Variants in ARHGEF26 observed in about 807,000 individuals in gnomAD.
ARHGEF26 encodes Rho guanine nucleotide exchange factor 26.
ARHGEF26 carries 59 observed loss-of-function variants against 89.4 expected under a neutral mutation model. The ratio of observed to expected loss-of-function variants is 0.66; its 90% CI spans 0.54 to 0.82. The LOEUF is 0.82. Among genes scored for constraint, ARHGEF26 ranks in the 40% least tolerant of loss-of-function variants. ARHGEF26 has a pLI of 0.00. For missense variants in ARHGEF26, 1,234 were observed against 1,085.6 expected, an observed-to-expected ratio of 1.14 and a Z score of -1.92; for synonymous variants, 500 against 428.4, an observed-to-expected ratio of 1.17 and a Z score of -2.06.
chr3:154,190,750 AAG>A (rs1255118759), intron 7 of ARHGEF26, among the ~76,000 whole-genome samples: 2 of 152,194 alleles, frequency 1.3e-5, no homozygotes, highest in Non-Finnish European at 1.5e-5. Flanking sequence ...ACAGGAGAAA[AAG>A]AGGAATATTT....
intron 10 of ARHGEF26, among the ~76,000 whole-genome samples, chr3:154,222,926 G>C (rs1716227846): frequency 6.6e-6 from 1 of 152,166 alleles, no homozygotes; most frequent in South Asian, 2.1e-4. Flanking sequence ...TCTGAGATGG[G>C]AGGAAAGAAA....
At chr3:154,157,479 G>T (rs575772147) in intron 6 of ARHGEF26, among the ~76,000 whole-genome samples, 2 of 152,260 alleles carry the variant, frequency 1.3e-5, no homozygotes, top group African/African-American at 4.8e-5. Flanking sequence ...TAAAGCCTAT[G>T]TGGAAACATT....
chr3:154,146,315 A>G (rs1559860347), intron 4 of ARHGEF26, among the ~76,000 whole-genome samples: 1 of 152,210 alleles, frequency 6.6e-6, no homozygotes, highest in Non-Finnish European at 1.5e-5. Flanking sequence ...ACCTCCTAAT[A>G]CCATCACCTT....
intron 4 of ARHGEF26, among the ~76,000 whole-genome samples, chr3:154,136,705 T>C (rs1444084843): frequency 2.6e-5 from 4 of 152,246 alleles, no homozygotes; most frequent in African/African-American, 7.2e-5. Context: ...TTTAAACTTA[T>C]TCTTTTCCCT....
At chr3:154,149,160 G>C (rs1224836161) in intron 4 of ARHGEF26, among the ~76,000 whole-genome samples, 1 of 151,996 alleles carries the variant, frequency 6.6e-6, no homozygotes, top group Non-Finnish European at 1.5e-5. Flanking sequence ...GTTTGTATGA[G>C]GATTCAATGG....
intron 4 of ARHGEF26, among the ~76,000 whole-genome samples, chr3:154,137,460 AG>A (rs1245875737): frequency 2.0e-5 from 3 of 152,144 alleles, no homozygotes; most frequent in African/African-American, 7.2e-5. Flanking sequence ...ACCCAATTTC[AG>A]GTATTCTGTT....
At chr3:154,152,345 G>C (rs1239659700) in intron 5 of ARHGEF26, among the ~76,000 whole-genome samples, 1 of 152,160 alleles carries the variant, frequency 6.6e-6, no homozygotes, top group Admixed American at 6.6e-5. Context: ...AATTTTCTCT[G>C]AATCTCAAGA....
chr3:154,199,042 A>G (rs1394655894), intron 9 of ARHGEF26, among the ~76,000 whole-genome samples: 1 of 152,066 alleles, frequency 6.6e-6, no homozygotes, highest in Non-Finnish European at 1.5e-5. Flanking sequence ...CCCCTCAAGC[A>G]TTTATCCTTT....
At chr3:154,192,097 G>A (rs1713991011) in intron 8 of ARHGEF26, among the ~76,000 whole-genome samples, 1 of 152,198 alleles carries the variant, frequency 6.6e-6, no homozygotes, top group Non-Finnish European at 1.5e-5. Context: ...CACTGGAGCT[G>A]CTGGGGCAGC....
At chr3:154,121,866 G>C in intron 1 of ARHGEF26, 76 bp from the exon 2 acceptor site, 1 of 1,333,816 alleles carries the variant, frequency 7.5e-7, no homozygotes, top group Non-Finnish European at 1.0e-6. Context: ...GGGGACCGCC[G>C]GTCTGGGAGC....
intron 9 of ARHGEF26, 57 bp downstream of exon 9, chr3:154,194,775 C>T (rs1242428310): frequency 4.8e-6 from 7 of 1,446,804 alleles, no homozygotes; most frequent in East Asian, 4.7e-5. Context: ...TTAGCTCAGA[C>T]ACAAAGTGTG....
At chr3:154,193,461 T>C (rs568135661) in intron 8 of ARHGEF26, among the ~76,000 whole-genome samples, 2 of 152,280 alleles carry the variant, frequency 1.3e-5, no homozygotes, top group Admixed American at 1.3e-4. Flanking sequence ...GGCTTGGTGC[T>C]TCTGTACATT....
At chr3:154,231,798 C>T (rs1476638864) in intron 11 of ARHGEF26, among the ~76,000 whole-genome samples, 1 of 152,076 alleles carries the variant, frequency 6.6e-6, no homozygotes, top group Non-Finnish European at 1.5e-5. Flanking sequence ...TTTCCCTCCT[C>T]ATGAAACCCA....
rs939655531 is a variant in ARHGEF26 at position 154,255,889 on chromosome 3, T to G, written c.*416T>G. ...CCCAGTATTAGCAAGATTGTATATC[T>G]GTAAAGAATGTCCAGTTTTGTAAAT... On this transcript the variant is annotated 3_prime_UTR_variant, in exon 15 of 15. Transcript: ENST00000465093. The G allele has an allele frequency of 7.4e-5, 73 of 992,026 alleles. No individual in the cohort carries two copies. Among genetic ancestry groups the G allele is most frequent in the Non-Finnish European group, 8.6e-5 (72 of 834,338 alleles). The allele number at this position is 992,026 out of a possible 1,614,324, so 61.5% of individuals were successfully genotyped here.
In ARHGEF26 at chr3:154,146,910, A is replaced by G. The variant is rs930402044; in HGVS notation, c.1270-2479A>G. On this transcript the variant is annotated intron_variant, in intron 4 of 14. Transcript: ENST00000465093. The stretch of plus-strand genomic sequence containing the variant: ...ATACAAAATCAAGAACCTCACATTA[A>G]ATCCAGTTCTTACTGCTTTGTTAAA... Among the ~76,000 whole-genome samples the G allele has an allele frequency of 3.3e-5, 5 of 152,220 alleles. No individual in the cohort carries two copies. In the South Asian group the frequency reaches 6.2e-4, roughly 19 times the overall value.
At chr3:154,184,336 AAT>A (rs1713383853) in intron 6 of ARHGEF26, among the ~76,000 whole-genome samples, 1 of 152,216 alleles carries the variant, frequency 6.6e-6, no homozygotes, top group Admixed American at 6.5e-5. Context: ...TTAAATGACA[AAT>A]ATTTCACATT....
chr3:154,202,722 C>T (rs1416846995), intron 9 of ARHGEF26, among the ~76,000 whole-genome samples: 1 of 149,150 alleles, frequency 6.7e-6, no homozygotes, highest in Non-Finnish European at 1.5e-5. Flanking sequence ...CTTCATGTCC[C>T]TTGTAAGTTG....
At chr3:154,250,314 G>A (rs1317881654) in intron 12 of ARHGEF26, among the ~76,000 whole-genome samples, 6 of 151,916 alleles carry the variant, frequency 3.9e-5, no homozygotes, top group East Asian at 1.9e-4. Flanking sequence ...AGTGTGAGCC[G>A]CCCCGCCCGG....
At chr3:154,130,658 A>C (rs561108070) in intron 4 of ARHGEF26, among the ~76,000 whole-genome samples, 1 of 152,062 alleles carries the variant, frequency 6.6e-6, no homozygotes, top group Non-Finnish European at 1.5e-5. Context: ...TTTGATGCTT[A>C]GTTTACTTGA....
Sources: allele counts gnomAD v4.1 joint callset (sites outside exome capture counted in the v4.1 genomes callset), GRCh38; gene constraint gnomAD v4.1.1; transcripts MANE v1.5; gene names NCBI Gene and HGNC (gene_info 2026-07-23, HGNC 2026-07-21).